Variants in GOLM1 observed in about 807,000 individuals in gnomAD.
GOLM1 encodes epididymis luminal protein 46.
GOLM1 carries 31 observed loss-of-function variants against 50.5 expected under a neutral mutation model. That is an observed-to-expected ratio of 0.61 (90% CI 0.46 to 0.83). GOLM1 has a LOEUF of 0.83. GOLM1 is among the 40% of genes least tolerant of loss of function. The pLI is 0.00. For missense variants in GOLM1, 491 were observed against 501.3 expected (o/e 0.98, Z 0.20); for synonymous variants, 178 against 192.8 (o/e 0.92, Z 0.64).
At chr9:86,086,447 G>A (rs1405643649) in intron 1 of GOLM1, among the ~76,000 whole-genome samples, 1 of 151,976 alleles carries the variant, frequency 6.6e-6, no homozygotes, top group Non-Finnish European at 1.5e-5. Flanking sequence ...CTTTAGCTGT[G>A]CAGAAGCTCG....
intron 1 of GOLM1, among the ~76,000 whole-genome samples, chr9:86,086,930 T>C (rs1834992139): frequency 6.6e-6 from 1 of 152,216 alleles, no homozygotes; most frequent in Non-Finnish European, 1.5e-5. Flanking sequence ...GTCTTGGCTA[T>C]ATGAGCTCTT....
intron 4 of GOLM1, among the ~76,000 whole-genome samples, chr9:86,047,704 C>T (rs898936901): frequency 2.6e-5 from 4 of 152,150 alleles, no homozygotes; most frequent in Non-Finnish European, 4.4e-5. Flanking sequence ...TAACTGAACA[C>T]ACCCCACAAT....
At chr9:86,086,456 C>T (rs1433862952) in intron 1 of GOLM1, among the ~76,000 whole-genome samples, 1 of 151,712 alleles carries the variant, frequency 6.6e-6, no homozygotes, top group East Asian at 1.9e-4. Context: ...TGCAGAAGCT[C>T]GTTAGCTTAA....
intron 4 of GOLM1, among the ~76,000 whole-genome samples, chr9:86,050,135 T>C (rs932000489): frequency 2.0e-5 from 3 of 152,238 alleles, no homozygotes; most frequent in African/African-American, 7.2e-5. Context: ...ATGTGGTTTT[T>C]ATCTTTGGTT....
At chr9:86,088,211 T>A (rs970333275) in intron 1 of GOLM1, among the ~76,000 whole-genome samples, 9 of 151,942 alleles carry the variant, frequency 5.9e-5, no homozygotes, top group Non-Finnish European at 1.3e-4. Context: ...TTCTAGATTT[T>A]CTAGTTTATT....
At chr9:86,067,132 C>T (rs991430198) in intron 3 of GOLM1, among the ~76,000 whole-genome samples, 32 of 152,184 alleles carry the variant, frequency 2.1e-4, no homozygotes, top group African/African-American at 6.0e-4. Flanking sequence ...GACGGCATTT[C>T]GCCATGCTGA....
chr9:86,057,737 C>T (rs1467058382), intron 3 of GOLM1, among the ~76,000 whole-genome samples: 2 of 152,218 alleles, frequency 1.3e-5, no homozygotes, highest in East Asian at 1.9e-4. Context: ...GGGCAGTGCG[C>T]ACCCCACAGC....
chr9:86,036,447 C>T lies in GOLM1; in HGVS notation c.658G>A (p.Val220Met). ...LQAAGLPHTEVPQGKGNVLGN... is the reference protein window; with the variant it reads ...LQAAGLPHTEMPQGKGNVLGN... ...AGCACGTTTCCCTTCCCTTGTGGCA[C>T]CTCTGTGTGTGGCAGGCCTGCTGCC... Residue 220 changes from valine (V) to methionine (M), a missense_variant, in exon 7 of 10, where the codon GTG (valine) becomes ATG (methionine). Transcript: ENST00000388712. The T allele has an allele frequency of 6.2e-7, 1 of 1,614,140 alleles. No homozygotes were observed. The highest frequency in any genetic ancestry group is 1.1e-5 in the South Asian group (1 of 91,082).
At chr9:86,066,390 G>A (rs1834309067) in intron 3 of GOLM1, among the ~76,000 whole-genome samples, 2 of 152,136 alleles carry the variant, frequency 1.3e-5, no homozygotes, top group African/African-American at 2.4e-5. Context: ...GAGGCTGAGC[G>A]CCCCCTGCAC....
At chr9:86,047,790 G>GA (rs1833600558) in intron 4 of GOLM1, among the ~76,000 whole-genome samples, 1 of 152,172 alleles carries the variant, frequency 6.6e-6, no homozygotes, top group South Asian at 2.1e-4. Flanking sequence ...TGACATGGAC[G>GA]AATCGCAAAT....
chr9:86,089,228 T>C (rs927020390), intron 1 of GOLM1, among the ~76,000 whole-genome samples: 2 of 152,192 alleles, frequency 1.3e-5, no homozygotes, highest in Non-Finnish European at 2.9e-5. Context: ...ATCTGACAAT[T>C]ATGTGTCTTC....
In GOLM1 at chr9:86,035,548, C is replaced by G. The variant is rs763273604; in HGVS notation, c.835G>C (p.Val279Leu). ...RLPQEPGREQ[V>L]VEDRPVGGRG... ...CCACCTACAGGTCTGTCTTCCACCA[C>G]CTGCTCCCGGCCTGGCTCCTGCGGC... is the stretch of plus-strand genomic sequence containing the variant. Residue 279 changes from valine (V) to leucine (L), a missense_variant, in exon 8 of 10, where the codon GTG becomes CTG. Transcript: ENST00000388712. 3 of 1,611,606 alleles carry G rather than the reference C, an allele frequency of 1.9e-6. No homozygotes were observed. In the South Asian group the frequency reaches 3.3e-5, roughly 18 times the overall value.
At chr9:86,058,967 C>T (rs1441341784) in intron 3 of GOLM1, among the ~76,000 whole-genome samples, 2 of 152,036 alleles carry the variant, frequency 1.3e-5, no homozygotes, top group African/African-American at 2.4e-5. Flanking sequence ...CATTGCATTC[C>T]AGCCTGGGTG....
chr9:86,040,610 T>A (rs955324638), intron 6 of GOLM1, 129 bp downstream of exon 6: 1 of 813,904 alleles, frequency 1.2e-6, no homozygotes, highest in African/African-American at 1.7e-5. Context: ...TCTGCTCTGT[T>A]ATATCTCAGG....
At chr9:86,071,610 T>G (rs572373903) in intron 3 of GOLM1, among the ~76,000 whole-genome samples, 1 of 151,772 alleles carries the variant, frequency 6.6e-6, no homozygotes, top group African/African-American at 2.4e-5. Flanking sequence ...GAGGTGGAGG[T>G]TGCAGTGAGC....
intron 8 of GOLM1, 60 bp from the exon 9 acceptor site, chr9:86,033,455 A>C (rs1442583048): frequency 7.8e-6 from 8 of 1,026,218 alleles, no homozygotes; most frequent in Non-Finnish European, 1.1e-5. Flanking sequence ...TCACAGGACT[A>C]TCAGAGCACA....
intron 3 of GOLM1, among the ~76,000 whole-genome samples, chr9:86,061,050 C>A (rs528039818): frequency 6.6e-6 from 1 of 151,964 alleles, no homozygotes; most frequent in African/African-American, 2.4e-5. Context: ...CTTTTCAGGA[C>A]GTGTGCTGAA....
At chr9:86,078,826 A>C (rs895395858) in intron 2 of GOLM1, among the ~76,000 whole-genome samples, 3 of 152,166 alleles carry the variant, frequency 2.0e-5, no homozygotes, top group Admixed American at 6.6e-5. Flanking sequence ...TTCCAATACT[A>C]CTCTTCGATA....
intron 6 of GOLM1, chr9:86,036,782 A>C: frequency 2.3e-6 from 1 of 428,950 alleles, no homozygotes; most frequent in Non-Finnish European, 4.1e-6. Context: ...GGAATAATAA[A>C]ATACCTAGGC....
Sources: gnomAD v4.1 joint callset for allele counts (sites outside exome capture counted in the v4.1 genomes callset) on GRCh38, gnomAD v4.1.1 for gene constraint, MANE v1.5 for transcripts, NCBI Gene and HGNC (gene_info 2026-07-23, HGNC 2026-07-21) for gene names.